ACSS3: variants seen among roughly 807,000 people sequenced by gnomAD.
ACSS3 encodes acyl-CoA synthetase short-chain family member 3, mitochondrial.
Under a neutral mutation model 84.2 loss-of-function variants are expected in ACSS3, and 64 were observed. The ratio of observed to expected loss-of-function variants is 0.76; its 90% CI spans 0.62 to 0.94. The LOEUF (loss-of-function observed/expected upper bound fraction) is 0.94. Among genes scored for constraint, ACSS3 ranks in the 40% least tolerant of loss-of-function variants. The pLI, the probability that ACSS3 is intolerant of heterozygous loss-of-function variation, is 0.00. For synonymous variants in ACSS3, 317 were observed against 310.1 expected (o/e 1.02, Z -0.23); for missense variants, 815 against 867.6 (o/e 0.94, Z 0.76).
chr12:81,171,710 G>A, intron 7 of ACSS3, among the ~76,000 whole-genome samples: 1 of 152,112 alleles, frequency 6.6e-6, no homozygotes, highest in East Asian at 1.9e-4. Context: ...TAAAAAGTAT[G>A]ATGTAGTTTT....
At chr12:81,133,689 A>C (rs1413692271) in intron 2 of ACSS3, among the ~76,000 whole-genome samples, 1 of 152,052 alleles carries the variant, frequency 6.6e-6, no homozygotes, top group Non-Finnish European at 1.5e-5. Context: ...TCCCTCCTGC[A>C]TATGATTGAA....
chr12:81,168,468 G>C (rs1887504815), intron 7 of ACSS3, among the ~76,000 whole-genome samples: 1 of 152,106 alleles, frequency 6.6e-6, no homozygotes, highest in African/African-American at 2.4e-5. Flanking sequence ...TTCGAGTCAG[G>C]AACTCCGTAT....
chr12:81,109,677 C>A lies in ACSS3; in HGVS notation c.429C>A (p.Thr143=). ...YDSPVTNTKA[T]FTYKEVLEQV... ...GTCCTGTTACAAACACTAAAGCAAC[C>A]TTTACCTATAAAGAAGTTCTGGAGC... Residue 143 remains threonine (T), a synonymous_variant, in exon 2 of 16, where the codon ACC becomes ACA. Transcript: ENST00000548058. 6.2e-7 allele frequency: 1 copy of A among 1,605,260 alleles called. No individual in the cohort carries two copies. Among genetic ancestry groups the A allele is most frequent in the East Asian group, 2.2e-5 (1 of 44,616 alleles).
chr12:81,257,713 AAT>A lies in ACSS3; in HGVS notation c.*2792_*2793del, dbSNP rs1425301164. On this transcript the variant is annotated 3_prime_UTR_variant, in exon 16 of 16. Transcript: ENST00000548058. ...TATTTGAAAGGTCCTGAACATTAAA[AAT>A]GTGAAAATTTATAATGTTGATGATC... is the stretch of plus-strand genomic sequence containing the variant. The A allele has an allele frequency of 1.1e-4, 17 of 152,138 alleles. No homozygotes were observed. The highest frequency in any genetic ancestry group is 3.9e-4 in the African/African-American group (16 of 41,464). 9.4% of individuals were successfully genotyped at this position (152,138 alleles called of 1,614,324 possible). A position where few individuals can be genotyped will look rare whatever the true frequency, so the allele number is the denominator to read the frequency against.
chr12:81,199,518 T>G, intron 9 of ACSS3, 74 bp downstream of exon 9: 1 of 1,514,478 alleles, frequency 6.6e-7, no homozygotes, highest in Non-Finnish European at 9.0e-7. Context: ...GAGGAAACTT[T>G]TGAGCTACGA....
chr12:81,222,322 A>G (rs1459117648), intron 11 of ACSS3, among the ~76,000 whole-genome samples: 1 of 152,062 alleles, frequency 6.6e-6, no homozygotes, highest in Non-Finnish European at 1.5e-5. Flanking sequence ...TAGAAAGGTA[A>G]GGTAGAAATA....
intron 13 of ACSS3, among the ~76,000 whole-genome samples, chr12:81,248,884 G>A (rs544206373): frequency 1.3e-4 from 20 of 151,792 alleles, no homozygotes; most frequent in Middle Eastern, 6.8e-3. Context: ...CAAAAAAACC[G>A]TAAAATTTAT....
At chr12:81,112,649 G>A (rs1228078456) in intron 2 of ACSS3, among the ~76,000 whole-genome samples, 1 of 152,166 alleles carries the variant, frequency 6.6e-6, no homozygotes. Context: ...GAAGCATTGT[G>A]TGCTACTTTG....
chr12:81,122,875 G>A (rs750642269), intron 2 of ACSS3, among the ~76,000 whole-genome samples: 23 of 152,146 alleles, frequency 1.5e-4, no homozygotes, highest in Admixed American at 9.2e-4. Context: ...TCTAGGAAGC[G>A]TACAGAAAGT....
intron 2 of ACSS3, among the ~76,000 whole-genome samples, chr12:81,113,969 A>T (rs1286464237): frequency 6.6e-6 from 1 of 152,054 alleles, no homozygotes; most frequent in Non-Finnish European, 1.5e-5. Flanking sequence ...TTTTATGTGT[A>T]TGTATATCTT....
intron 2 of ACSS3, among the ~76,000 whole-genome samples, chr12:81,124,905 C>G (rs1437002546): frequency 6.6e-6 from 1 of 152,164 alleles, no homozygotes; most frequent in African/African-American, 2.4e-5. Context: ...TCACTGCTGG[C>G]TCTTTCTCTT....
intron 13 of ACSS3, among the ~76,000 whole-genome samples, chr12:81,236,115 A>G (rs1593228739): frequency 6.6e-6 from 1 of 151,560 alleles, no homozygotes; most frequent in East Asian, 1.9e-4. Context: ...CACTTTATCA[A>G]ACTGAATAAT....
chr12:81,232,336 G>A (rs977051291), intron 12 of ACSS3, among the ~76,000 whole-genome samples: 2 of 151,762 alleles, frequency 1.3e-5, no homozygotes, highest in African/African-American at 4.8e-5. Flanking sequence ...TCTGTACTCT[G>A]TCTTTTTACC....
At chr12:81,153,631 C>G (rs550722704) in intron 7 of ACSS3, among the ~76,000 whole-genome samples, 1 of 152,272 alleles carries the variant, frequency 6.6e-6, no homozygotes, top group South Asian at 2.1e-4. Context: ...ATATAAGGCT[C>G]TCTCTCACAT....
intron 10 of ACSS3, 53 bp downstream of exon 10, chr12:81,217,049 C>T: frequency 7.0e-7 from 1 of 1,428,338 alleles, no homozygotes; most frequent in South Asian, 1.2e-5. Context: ...CATTTTCTTG[C>T]ATCTAGTGTG....
chr12:81,225,628 T>C (rs2033248343), intron 11 of ACSS3, among the ~76,000 whole-genome samples: 2 of 152,108 alleles, frequency 1.3e-5, no homozygotes, highest in Admixed American at 1.3e-4. Context: ...TTTGATGTCA[T>C]TTCATTAACT....
chr12:81,168,960 G>A (rs762287148), intron 7 of ACSS3, among the ~76,000 whole-genome samples: 6 of 152,130 alleles, frequency 3.9e-5, no homozygotes, highest in Non-Finnish European at 7.4e-5. Flanking sequence ...AATCCTGGCC[G>A]CAGATTAGAA....
intron 1 of ACSS3, among the ~76,000 whole-genome samples, chr12:81,103,703 AT>A (rs1209932453): frequency 1.3e-5 from 2 of 150,184 alleles, no homozygotes; most frequent in Non-Finnish European, 3.0e-5. Flanking sequence ...TAAAAAAAAA[AT>A]TGTCTAAAGG....
chr12:81,258,316 A>G lies in ACSS3; in HGVS notation c.*3394A>G, dbSNP rs992356520. 1 of 152,174 alleles carries G rather than the reference A, an allele frequency of 6.6e-6. No homozygotes were observed. Among genetic ancestry groups the G allele is most frequent in the South Asian group, 2.1e-4 (1 of 4,830 alleles). 9.4% of individuals were successfully genotyped at this position (152,174 alleles called of 1,614,324 possible). ...AATGGAAAGGGTTTCTGTTATCATTACCTTTTGACTGAATCTGTTAAATAA... is the reference window on the plus strand; with the variant it reads ...AATGGAAAGGGTTTCTGTTATCATTGCCTTTTGACTGAATCTGTTAAATAA... On this transcript the variant is annotated 3_prime_UTR_variant, in exon 16 of 16. Coordinates refer to ENST00000548058, the MANE Select transcript of ACSS3 (RefSeq NM_024560.4).
Sources: gnomAD v4.1 joint callset for allele counts (sites outside exome capture counted in the v4.1 genomes callset) on GRCh38, gnomAD v4.1.1 for gene constraint, MANE v1.5 for transcripts, NCBI Gene and HGNC (gene_info 2026-07-23, HGNC 2026-07-21) for gene names.